Variants in HSD17B12 observed in about 807,000 individuals in gnomAD.
HSD17B12 encodes the protein very-long-chain 3-oxoacyl-CoA reductase.
A neutral mutation model predicts 39.3 loss-of-function variants in HSD17B12; 32 were observed. That is an observed-to-expected ratio of 0.81 (90% CI 0.61 to 1.09). HSD17B12 has a LOEUF of 1.09. Among genes scored for constraint, HSD17B12 ranks in the 50% least tolerant of loss-of-function variants. HSD17B12 has a pLI of 0.00. For synonymous variants in HSD17B12, 150 were observed against 146.7 expected (o/e 1.02, Z -0.16); for missense variants, 342 against 382.9 (o/e 0.89, Z 0.89).
rs1217754255 is a variant in HSD17B12 at position 43,817,004 on chromosome 11, C to CTA, written c.501+617_501+618dup. Among the ~76,000 whole-genome samples the CTA allele has an allele frequency of 5.8e-4, 58 of 100,320 alleles. 1 individual carries two copies. The highest frequency in any genetic ancestry group is 2.3e-3 in the African/African-American group (57 of 25,040). The allele number at this position is 100,320 out of a possible 152,430, so 65.8% of individuals were successfully genotyped here. ...TATATATCTATATCTATATCTATATCTATATCTATATCTATATCTATATCT... is the reference window on the plus strand; with the variant it reads ...TATATATCTATATCTATATCTATATCTATATATCTATATCTATATCTATATCT... On this transcript the variant is annotated intron_variant, in intron 6 of 10. Transcript: ENST00000278353.
At chr11:43,601,565 A>G in the HSD17B12 span, among the ~76,000 whole-genome samples, 551 of 151,424 alleles carry the variant, frequency 3.6e-3, 2 homozygotes, top group African/African-American at 0.013. Flanking sequence ...ACCTGAGAGC[A>G]AGGGCAGTCT....
intron 4 of HSD17B12, among the ~76,000 whole-genome samples, chr11:43,807,236 G>A (rs140924075): frequency 6.6e-6 from 1 of 152,296 alleles, no homozygotes; most frequent in Non-Finnish European, 1.5e-5. Flanking sequence ...TAGTGGGAAC[G>A]TGTTGCATGT....
intron 3 of HSD17B12, among the ~76,000 whole-genome samples, chr11:43,776,161 G>C (rs896165094): frequency 2.6e-5 from 4 of 152,030 alleles, no homozygotes; most frequent in Non-Finnish European, 4.4e-5. Context: ...TCTAGTTCTA[G>C]ATCCCTGAGG....
the HSD17B12 span, among the ~76,000 whole-genome samples, chr11:43,595,973 C>T: frequency 6.6e-6 from 1 of 152,230 alleles, no homozygotes; most frequent in Non-Finnish European, 1.5e-5. Flanking sequence ...ACTCATTCAA[C>T]ATAGAATCTT....
chr11:43,583,340 T>TCCTCGCCTCGCCTCG, the HSD17B12 span, among the ~76,000 whole-genome samples: 1 of 152,168 alleles, frequency 6.6e-6, no homozygotes, highest in African/African-American at 2.4e-5. Context: ...GCGAGTCCTC[T>TCCTCGCCTCGCCTCG]CCTCGCCTCG....
intron 4 of HSD17B12, among the ~76,000 whole-genome samples, chr11:43,810,434 G>A (rs1951061924): frequency 1.4e-5 from 2 of 146,168 alleles, no homozygotes; most frequent in African/African-American, 5.2e-5. Flanking sequence ...GATTTTCTGT[G>A]TCTTTAAAAT....
chr11:43,580,814 G>GA, the HSD17B12 span, among the ~76,000 whole-genome samples: 7 of 151,640 alleles, frequency 4.6e-5, no homozygotes, highest in East Asian at 1.9e-4. Flanking sequence ...TCCCCCTTCT[G>GA]AAAAAAAAGG....
chr11:43,647,244 C>T, the HSD17B12 span, among the ~76,000 whole-genome samples: 361 of 152,118 alleles, frequency 2.4e-3, 4 homozygotes, highest in African/African-American at 8.3e-3. Flanking sequence ...CTTGTTTTCC[C>T]GCATATAACT....
chr11:43,745,333 A>C (rs1001000588), intron 1 of HSD17B12, among the ~76,000 whole-genome samples: 1 of 152,204 alleles, frequency 6.6e-6, no homozygotes, highest in African/African-American at 2.4e-5. Context: ...GTTTAGATGC[A>C]CAGTACTGAG....
At chr11:43,845,362 T>C (rs573509122) in intron 9 of HSD17B12, among the ~76,000 whole-genome samples, 1 of 152,366 alleles carries the variant, frequency 6.6e-6, no homozygotes, top group South Asian at 2.1e-4. Context: ...TTTTATCTAA[T>C]GTATTATTTG....
At chr11:43,680,717 G>A (rs1334197536), upstream of HSD17B12, 6 of 953,320 alleles carry the variant, frequency 6.3e-6, no homozygotes, top group Non-Finnish European at 1.0e-5. Flanking sequence ...CCAAAGTGGT[G>A]TCGGAGCAGC....
intron 1 of HSD17B12, among the ~76,000 whole-genome samples, chr11:43,722,932 T>C (rs1565063974): frequency 6.6e-6 from 1 of 152,190 alleles, no homozygotes; most frequent in African/African-American, 2.4e-5. Flanking sequence ...GTGATGTCAT[T>C]TACTTTTTGC....
intron 1 of HSD17B12, among the ~76,000 whole-genome samples, chr11:43,704,715 G>A (rs1291200623): frequency 2.0e-5 from 3 of 152,196 alleles, no homozygotes; most frequent in Non-Finnish European, 4.4e-5. Context: ...TTTGCTGGAG[G>A]GAGAGATTCT....
chr11:43,801,212 C>A (rs1950964760), intron 4 of HSD17B12, among the ~76,000 whole-genome samples: 2 of 151,808 alleles, frequency 1.3e-5, no homozygotes, highest in South Asian at 4.2e-4. Flanking sequence ...TAACATGAAA[C>A]AAAATAATTA....
chr11:43,714,539 G>T (rs1433546530), intron 1 of HSD17B12, among the ~76,000 whole-genome samples: 1 of 152,154 alleles, frequency 6.6e-6, no homozygotes, highest in Non-Finnish European at 1.5e-5. Flanking sequence ...TTGTAGTATA[G>T]TTTGAAGTCA....
At chr11:43,832,236 A>G (rs1014292867) in intron 7 of HSD17B12, among the ~76,000 whole-genome samples, 1 of 152,210 alleles carries the variant, frequency 6.6e-6, no homozygotes, top group African/African-American at 2.4e-5. Context: ...AGTAGAACCC[A>G]GGAGGGATTA....
At chr11:43,675,749 A>G (rs2134723927), upstream of HSD17B12, among the ~76,000 whole-genome samples, 1 of 152,270 alleles carries the variant, frequency 6.6e-6, no homozygotes, top group Middle Eastern at 3.4e-3. Flanking sequence ...GCCAGTCAAG[A>G]TATATTTTGG....
intron 6 of HSD17B12, among the ~76,000 whole-genome samples, chr11:43,828,328 G>C (rs2135105547): frequency 6.9e-6 from 1 of 145,232 alleles, no homozygotes; most frequent in East Asian, 2.0e-4. Flanking sequence ...ATTTTTAGTA[G>C]AGACGAGGTT....
chr11:43,604,779 T>A, the HSD17B12 span, among the ~76,000 whole-genome samples: 1 of 152,238 alleles, frequency 6.6e-6, no homozygotes, highest in African/African-American at 2.4e-5. Context: ...ACCTCTTAAA[T>A]GTGATTTAAA....
Sources: allele counts gnomAD v4.1 joint callset (sites outside exome capture counted in the v4.1 genomes callset), GRCh38; gene constraint gnomAD v4.1.1; transcripts MANE v1.5; gene names NCBI Gene and HGNC (gene_info 2026-07-23, HGNC 2026-07-21).